The following WWTR1 variants were observed in gnomAD, a reference collection of about 807,000 sequenced individuals.
The protein encoded by WWTR1 is WW domain-containing transcription regulator protein 1.
In WWTR1, 13 loss-of-function variants were observed where a neutral mutation model predicts 40.1. The observed-to-expected ratio is 0.32, with a 90% CI of 0.21 to 0.52. WWTR1 has a LOEUF of 0.52. WWTR1 is among the 20% of genes least tolerant of loss of function. The pLI is 0.97. For synonymous variants in WWTR1, 230 were observed against 210.1 expected, an observed-to-expected ratio of 1.09 and a Z score of -0.82; for missense variants, 436 against 523.1, an observed-to-expected ratio of 0.83 and a Z score of 1.63.
intron 3 of WWTR1, among the ~76,000 whole-genome samples, chr3:149,571,214 CTTT>C (rs10535515): frequency 7.3e-4 from 74 of 101,256 alleles, no homozygotes; most frequent in African/African-American, 7.0e-4. Context: ...TTTTTCTTTT[CTTT>C]TTTTTTTTTT....
At chr3:149,720,014 A>T (rs1160183000) in intron 4 of WWTR1, among the ~76,000 whole-genome samples, 1 of 152,182 alleles carries the variant, frequency 6.6e-6, no homozygotes, top group Non-Finnish European at 1.5e-5. Context: ...TATATTCTGG[A>T]TACTAATCCC....
chr3:149,576,274 A>C (rs1484931137), intron 2 of WWTR1: 2 of 351,478 alleles, frequency 5.7e-6, no homozygotes, highest in African/African-American at 4.3e-5. Context: ...TTTCATCTGA[A>C]AACTAAATTC....
chr3:149,579,537 TG>T (rs1427889794), intron 2 of WWTR1, among the ~76,000 whole-genome samples: 1 of 151,770 alleles, frequency 6.6e-6, no homozygotes, highest in Admixed American at 6.6e-5. Flanking sequence ...GCTAGCCAGG[TG>T]TGGTGGCTCA....
chr3:149,618,943 G>T (rs376477764), intron 2 of WWTR1, among the ~76,000 whole-genome samples: 186 of 152,258 alleles, frequency 1.2e-3, no homozygotes, highest in African/African-American at 4.2e-3. Context: ...ATTGACGTCT[G>T]TGAGATACCC....
At chr3:149,664,320 G>T (rs1002654855) in intron 2 of WWTR1, among the ~76,000 whole-genome samples, 3 of 152,212 alleles carry the variant, frequency 2.0e-5, no homozygotes, top group Non-Finnish European at 4.4e-5. Flanking sequence ...ATTGAATAAG[G>T]TTCAACATGA....
At chr3:149,547,660 C>A (rs891482032) in intron 3 of WWTR1, among the ~76,000 whole-genome samples, 1 of 152,138 alleles carries the variant, frequency 6.6e-6, no homozygotes, top group South Asian at 2.1e-4. Context: ...CCAGTCCCCC[C>A]AGAAAGGAAT....
chr3:149,652,101 C>T (rs1712913635), intron 2 of WWTR1, among the ~76,000 whole-genome samples: 1 of 151,000 alleles, frequency 6.6e-6, no homozygotes, highest in African/African-American at 2.4e-5. Flanking sequence ...CCTCGGCCTC[C>T]CAAAGTGCTG....
intron 4 of WWTR1, among the ~76,000 whole-genome samples, chr3:149,528,398 C>T (rs1278415004): frequency 1.3e-5 from 2 of 152,204 alleles, no homozygotes; most frequent in African/African-American, 4.8e-5. Context: ...GCCAGTAAAA[C>T]TGTGGAATTA....
At chr3:149,538,705 T>C (rs182523074) in intron 4 of WWTR1, among the ~76,000 whole-genome samples, 1 of 152,324 alleles carries the variant, frequency 6.6e-6, no homozygotes, top group Admixed American at 6.5e-5. Flanking sequence ...AAGGAGTATC[T>C]GATGCTCACT....
Position 149,526,005 on chromosome 3 carries a change from G to T in WWTR1, c.1018+8C>A. Reference sequence around the variant, plus strand: ...CCCATTGTAAGTGCTTGCAGGCTTTGCTCCTACCTGTATCCATCTCATCCA... The same window carrying T: ...CCCATTGTAAGTGCTTGCAGGCTTTTCTCCTACCTGTATCCATCTCATCCA... On this transcript the variant is annotated splice_region_variant and intron_variant, in intron 6 of 6. Transcript: ENST00000360632. 6.4e-7 allele frequency: 1 copy of T among 1,562,156 alleles called. No homozygotes were observed. The highest frequency in any genetic ancestry group is 8.7e-7 in the Non-Finnish European group (1 of 1,151,784).
chr3:149,561,938 G>A (rs978462535), intron 3 of WWTR1, among the ~76,000 whole-genome samples: 9 of 152,116 alleles, frequency 5.9e-5, no homozygotes, highest in African/African-American at 1.9e-4. Flanking sequence ...GAACTATTTG[G>A]ATTTTTTGCC....
intron 1 of WWTR1, among the ~76,000 whole-genome samples, chr3:149,677,052 C>A (rs7613961): frequency 4.6e-5 from 7 of 151,626 alleles, no homozygotes; most frequent in African/African-American, 1.7e-4. Context: ...GAGTAGCTGG[C>A]ATTACAGGCA....
chr3:149,541,635 A>G lies in WWTR1; in HGVS notation c.771+700T>C, dbSNP rs148876340. 2.8e-3 allele frequency among the ~76,000 whole-genome samples: 423 copies of G among 151,084 alleles called. 6 individuals carry two copies. The highest frequency in any genetic ancestry group is 0.025 in the East Asian group (124 of 4,942). ...GTTCTCTGTGACTACTTTGACCAAG[A>G]GAGTGTGGCAAAAGCGACTCCACGA... On this transcript the variant is annotated intron_variant, in intron 4 of 6. Coordinates refer to ENST00000360632, the MANE Select transcript of WWTR1 (RefSeq NM_015472.6).
upstream of WWTR1, chr3:149,658,712 G>T (rs1713419255): frequency 1.3e-5 from 2 of 152,302 alleles, no homozygotes; most frequent in African/African-American, 4.8e-5. Flanking sequence ...CCAACGGGTG[G>T]GTTGTAAACA....
intron 2 of WWTR1, among the ~76,000 whole-genome samples, chr3:149,609,607 A>G (rs1342326588): frequency 1.3e-5 from 2 of 152,250 alleles, no homozygotes; most frequent in East Asian, 1.9e-4. Flanking sequence ...ATACCACAAC[A>G]GCAGAGCTGA....
chr3:149,701,280 G>C lies in WWTR1; in HGVS notation c.-108+1844C>G, dbSNP rs141898290. The stretch of plus-strand genomic sequence containing the variant: ...GTTCACCTTAGTTTGGGACCAAACT[G>C]CCTGGATCTTTGTGAAAATCGGTTT... On this transcript the variant is annotated intron_variant, in intron 1 of 7. Coordinates refer to the WWTR1 transcript ENST00000465804. Among the ~76,000 whole-genome samples, 216 of 152,306 alleles carry C rather than the reference G, an allele frequency of 1.4e-3. 1 individual carries two copies. The highest frequency in any genetic ancestry group is 2.8e-3 in the Non-Finnish European group (191 of 68,026).
intron 2 of WWTR1, among the ~76,000 whole-genome samples, chr3:149,633,464 T>G (rs1711647851): frequency 6.6e-6 from 1 of 152,172 alleles, no homozygotes; most frequent in Non-Finnish European, 1.5e-5. Context: ...TCCTTTAAGT[T>G]CTTCATTTAA....
intron 4 of WWTR1, among the ~76,000 whole-genome samples, chr3:149,538,291 G>A (rs920553572): frequency 5.3e-5 from 8 of 152,050 alleles, no homozygotes; most frequent in African/African-American, 1.7e-4. Context: ...AAAATGAAGA[G>A]AAAGCAAAAC....
At chr3:149,662,812 A>G (rs139827244), upstream of WWTR1, among the ~76,000 whole-genome samples, 19 of 152,290 alleles carry the variant, frequency 1.2e-4, no homozygotes, top group East Asian at 3.7e-3. Context: ...TGATCCAGTA[A>G]TAAAGTATCT....
Sources: gnomAD v4.1 joint callset for allele counts (sites outside exome capture counted in the v4.1 genomes callset) on GRCh38, gnomAD v4.1.1 for gene constraint, MANE v1.5 for transcripts, NCBI Gene and HGNC (gene_info 2026-07-23, HGNC 2026-07-21) for gene names.